Variants in ARAP2 observed in about 807,000 individuals in gnomAD.
The protein encoded by ARAP2 is ArfGAP with RhoGAP domain, ankyrin repeat and PH domain 2, also known as arf-GAP with Rho-GAP domain, ANK repeat and PH domain-containing protein 2.
ARAP2 carries 148 observed loss-of-function variants against 194.5 expected under a neutral mutation model. The ratio of observed to expected loss-of-function variants is 0.76; its 90% confidence interval spans 0.67 to 0.87. The LOEUF (loss-of-function observed/expected upper bound fraction) is 0.87, where lower values mean the gene tolerates loss of function less well. ARAP2 is among the 40% of genes least tolerant of loss of function. The pLI, the probability that ARAP2 is intolerant of heterozygous loss-of-function variation, is 0.00. For missense variants in ARAP2, 2,128 were observed against 1,989.7 expected, an observed-to-expected ratio of 1.07 and a Z score of -1.32; for synonymous variants, 695 against 683.5, an observed-to-expected ratio of 1.02 and a Z score of -0.26.
At chr4:36,151,177 T>C in intron 15 of ARAP2, 133 bp from the exon 16 acceptor site, 3 of 802,184 alleles carry the variant, frequency 3.7e-6, no homozygotes, top group Non-Finnish European at 5.6e-6. Context: ...ACATAAAGTA[T>C]ATGTTATTGC....
intron 10 of ARAP2, chr4:36,006,665 T>C (rs954742748): frequency 3.9e-5 from 6 of 152,114 alleles, no homozygotes; most frequent in African/African-American, 1.4e-4. Context: ...AAATTTGGAA[T>C]TATTTTTATA....
At position 36,228,619 on chromosome 4, in the gene ARAP2, G is replaced by A. The variant is rs779513111; in HGVS notation, c.868C>T (p.Pro290Ser). The change falls in exon 2 of 33, where the codon CCA (proline) becomes TCA (serine). Residue 290 changes from proline (P) to serine (S), a missense_variant. Coordinates refer to ENST00000303965, the MANE Select transcript of ARAP2 (RefSeq NM_015230.4). ...CCTTTTGTTGACCCTGGAATCTCTG[G>A]TACAGGTCGATGTCTTAGCAGAAAA... is the stretch of plus-strand genomic sequence containing the variant. ...RSFLLRHRPV[P>S]EIPGSTKGVS... 23 of 1,613,470 alleles carry A rather than the reference G, an allele frequency of 1.4e-5. No individual in the cohort carries two copies. Among genetic ancestry groups the A allele is most frequent in the Middle Eastern group, 1.7e-4 (1 of 6,058 alleles).
At chr4:36,164,158 A>G (rs1321852209) in intron 11 of ARAP2, among the ~76,000 whole-genome samples, 1 of 152,076 alleles carries the variant, frequency 6.6e-6, no homozygotes, top group Admixed American at 6.5e-5. Context: ...CTAGTACTTG[A>G]GTTGAATTCT....
intron 16 of ARAP2, 86 bp from the exon 17 acceptor site, chr4:36,148,593 A>C (rs1730205550): frequency 1.1e-6 from 1 of 925,912 alleles, no homozygotes; most frequent in Admixed American, 2.6e-5. Context: ...TTTTTAATTA[A>C]ATTCCTTTTA....
In ARAP2 at chr4:36,161,523, T is replaced by A; in HGVS notation, c.2201A>T (p.Asp734Val). ...AGQHRSLGPK[D>V]SKVRSLKMDA... The stretch of plus-strand genomic sequence containing the variant: ...CATTTTTAGACTTCTAACCTTGGAA[T>A]CTTTTGGTCCTAAAGATCTATGCTG... Residue 734 changes from aspartate (D) to valine (V), a missense_variant, in exon 12 of 33, where the codon GAT (aspartate) becomes GTT (valine). Asp to Val is a radical substitution (Grantham distance 152). Coordinates refer to ENST00000303965, the MANE Select transcript of ARAP2 (RefSeq NM_015230.4). The A allele has an allele frequency of 1.2e-6, 2 of 1,614,056 alleles. No individual in the cohort carries two copies. Among genetic ancestry groups the A allele is most frequent in the Non-Finnish European group, 1.7e-6 (2 of 1,179,918 alleles).
At chr4:36,021,514 C>T (rs200335519) in intron 5 of ARAP2, among the ~76,000 whole-genome samples, 2 of 152,290 alleles carry the variant, frequency 1.3e-5, no homozygotes, top group East Asian at 3.9e-4. Context: ...TGTGGCACCT[C>T]TGCCTCCTTC....
In ARAP2 at chr4:36,183,921, A is replaced by G. The variant is rs376174678; in HGVS notation, c.1678+3530T>C. On this transcript the variant is annotated intron_variant, in intron 8 of 32. Transcript: ENST00000303965. ...GACAAAGAATAGCTATTGTATATAG[A>G]TCATTCAAAGCCTTATCACCAAAAG... 1.3e-5 allele frequency among the ~76,000 whole-genome samples: 2 copies of G among 152,216 alleles called. 1 individual carries two copies. Among genetic ancestry groups the G allele is most frequent in the East Asian group, 3.9e-4 (2 of 5,190 alleles).
intron 31 of ARAP2, among the ~76,000 whole-genome samples, chr4:36,077,919 C>T (rs764989975): frequency 2.8e-4 from 42 of 152,096 alleles, no homozygotes; most frequent in African/African-American, 1.2e-4. Flanking sequence ...GCATGATACC[C>T]CTCTCATTTC....
intron 1 of ARAP2, among the ~76,000 whole-genome samples, chr4:36,241,533 T>G (rs1158736773): frequency 6.6e-6 from 1 of 152,120 alleles, no homozygotes; most frequent in African/African-American, 2.4e-5. Flanking sequence ...ACAAAGAAAG[T>G]GAAGATACAG....
At chr4:36,059,965 A>G (rs1404624240) in intron 1 of ARAP2, among the ~76,000 whole-genome samples, 1 of 152,170 alleles carries the variant, frequency 6.6e-6, no homozygotes, top group Admixed American at 6.5e-5. Flanking sequence ...GAAGGCAGCA[A>G]GTTAGACAAA....
At chr4:36,073,590 G>A (rs537086018) in intron 32 of ARAP2, 99 bp downstream of exon 32, 10 of 1,323,838 alleles carry the variant, frequency 7.6e-6, no homozygotes, top group African/African-American at 7.5e-5. Context: ...TTATTATTGT[G>A]CTTTTGAAGC....
chr4:36,172,322 A>T (rs1250544211), intron 9 of ARAP2, among the ~76,000 whole-genome samples: 1 of 152,178 alleles, frequency 6.6e-6, no homozygotes, highest in African/African-American at 2.4e-5. Flanking sequence ...TGTAGACCTC[A>T]GTTTCCTTAT....
At chr4:36,057,002 T>C (rs1723625871) in intron 2 of ARAP2, among the ~76,000 whole-genome samples, 1 of 151,964 alleles carries the variant, frequency 6.6e-6, no homozygotes, top group Non-Finnish European at 1.5e-5. Flanking sequence ...TTGGCACTTC[T>C]ACATAGGACC....
intron 1 of ARAP2, among the ~76,000 whole-genome samples, chr4:36,235,215 C>A (rs531066572): frequency 6.6e-6 from 1 of 152,188 alleles, no homozygotes; most frequent in African/African-American, 2.4e-5. Flanking sequence ...CCCTCTCCCC[C>A]ACACAGTAGA....
chr4:36,144,637 C>T (rs534631018), intron 19 of ARAP2, among the ~76,000 whole-genome samples: 3 of 151,894 alleles, frequency 2.0e-5, no homozygotes, highest in South Asian at 4.2e-4. Flanking sequence ...CTCTTGATGT[C>T]GTCCCATGAA....
chr4:36,132,173 CT>C (rs1465477433), intron 20 of ARAP2, among the ~76,000 whole-genome samples: 6 of 151,688 alleles, frequency 4.0e-5, no homozygotes, highest in Non-Finnish European at 7.4e-5. Flanking sequence ...GTTTCCCATA[CT>C]AGAAGATATG....
Position 36,124,858 on chromosome 4 carries a change from C to A in ARAP2, c.3746+4G>T, listed in dbSNP as rs1487918655. ...TGTCGAGAAAAGTTCATTCATCTAC[C>A]CACCTATACAGGTGTTCAATGATAG... is the stretch of plus-strand genomic sequence containing the variant. On this transcript the variant is annotated splice_donor_region_variant and intron_variant, in intron 22 of 32. Coordinates refer to ENST00000303965, the MANE Select transcript of ARAP2 (RefSeq NM_015230.4). 2.5e-6 allele frequency: 4 copies of A among 1,571,644 alleles called. No individual in the cohort carries two copies. The highest frequency in any genetic ancestry group is 2.3e-5 in the East Asian group (1 of 43,932).
intron 28 of ARAP2, among the ~76,000 whole-genome samples, chr4:36,085,554 C>CT (rs982060138): frequency 3.3e-5 from 5 of 151,986 alleles, no homozygotes; most frequent in African/African-American, 1.2e-4. Context: ...TCTTTGTTCA[C>CT]TTTTATACAA....
chr4:36,156,443 GAGAAAGAAAGAAAGAAAGAAAGAAAT>G (rs1560550178), intron 15 of ARAP2, among the ~76,000 whole-genome samples: 8 of 16,246 alleles, frequency 4.9e-4, no homozygotes, highest in Non-Finnish European at 4.7e-4. Context: ...AAGAAAGAAA[GAGAAAGAAAGAAAGAAAGAAAGAAAT>G]GAAAGAGAAG....
Sources: gnomAD v4.1 joint callset for allele counts (sites outside exome capture counted in the v4.1 genomes callset) on GRCh38, gnomAD v4.1.1 for gene constraint, MANE v1.5 for transcripts, NCBI Gene and HGNC (gene_info 2026-07-23, HGNC 2026-07-21) for gene names.